The following SEMA3A variants were observed in gnomAD, a reference collection of about 807,000 sequenced individuals.
The protein encoded by SEMA3A is semaphorin 3A.
Under a neutral mutation model 97.9 loss-of-function variants are expected in SEMA3A, and 29 were observed. The observed-to-expected ratio is 0.30, with a 90% CI of 0.22 to 0.40. SEMA3A has a LOEUF of 0.40. Among genes scored for constraint, SEMA3A ranks in the 10% least tolerant of loss-of-function variants. SEMA3A has a pLI of 1.00. For missense variants in SEMA3A, 763 were observed against 951.3 expected, an observed-to-expected ratio of 0.80 and a Z score of 2.60; for synonymous variants, 321 against 323.7, an observed-to-expected ratio of 0.99 and a Z score of 0.09.
intron 3 of SEMA3A, among the ~76,000 whole-genome samples, chr7:84,253,832 T>C (rs1230120543): frequency 6.6e-6 from 1 of 152,204 alleles, no homozygotes; most frequent in Non-Finnish European, 1.5e-5. Flanking sequence ...TCATCATGAA[T>C]GTGTACCATT....
intron 13 of SEMA3A, among the ~76,000 whole-genome samples, 198 bp downstream of exon 13, chr7:83,985,238 T>C (rs1348870168): frequency 6.6e-6 from 1 of 152,064 alleles, no homozygotes; most frequent in Admixed American, 6.6e-5. Flanking sequence ...ACAGATGAGA[T>C]TGATCAAAAA....
intron 1 of SEMA3A, among the ~76,000 whole-genome samples, chr7:84,178,560 ATCTC>A (rs558180707): frequency 2.7e-4 from 41 of 152,262 alleles, no homozygotes; most frequent in Middle Eastern, 3.4e-3. Context: ...TTGAGCTCAA[ATCTC>A]TCTGATTCCT....
chr7:84,139,537 A>AC (rs1377830264), intron 1 of SEMA3A, among the ~76,000 whole-genome samples: 1 of 152,104 alleles, frequency 6.6e-6, no homozygotes, highest in Non-Finnish European at 1.5e-5. Flanking sequence ...AAACATACTG[A>AC]CTGTAAAACC....
At chr7:84,247,476 A>G (rs1257111234) in intron 3 of SEMA3A, among the ~76,000 whole-genome samples, 1 of 152,202 alleles carries the variant, frequency 6.6e-6, no homozygotes, top group Admixed American at 6.5e-5. Flanking sequence ...GGTATGGATA[A>G]CATATGTAAT....
intron 4 of SEMA3A, among the ~76,000 whole-genome samples, chr7:84,069,542 T>C (rs565664805): frequency 1.2e-4 from 19 of 152,138 alleles, no homozygotes; most frequent in African/African-American, 4.6e-4. Flanking sequence ...TGTAAATATT[T>C]TGACCTTTCA....
chr7:84,194,794 A>AAC, upstream of SEMA3A: 7 of 361,376 alleles, frequency 1.9e-5, no homozygotes, highest in Admixed American at 4.7e-5. Flanking sequence ...ACCCTCCAAA[A>AAC]AGAAAAAAAA....
At chr7:84,247,395 A>G (rs975982714) in intron 3 of SEMA3A, among the ~76,000 whole-genome samples, 19 of 152,192 alleles carry the variant, frequency 1.2e-4, no homozygotes, top group Admixed American at 9.8e-4. Context: ...TTTTAGAAAA[A>G]TTGAAAAAAT....
intron 2 of SEMA3A, among the ~76,000 whole-genome samples, chr7:84,326,823 A>C (rs1440554103): frequency 1.3e-5 from 2 of 152,032 alleles, no homozygotes; most frequent in Non-Finnish European, 2.9e-5. Context: ...AATTAACTCG[A>C]GATTGATTAA....
chr7:84,260,773 A>G (rs73709798), intron 3 of SEMA3A, among the ~76,000 whole-genome samples: 2,663 of 152,260 alleles, frequency 0.017, 80 homozygotes, highest in African/African-American at 0.061. Flanking sequence ...GGCAACCCTC[A>G]GCATGAACAG....
intron 4 of SEMA3A, among the ~76,000 whole-genome samples, chr7:84,095,358 C>CATATAGATATATATATAT (rs1794740282): frequency 8.1e-6 from 1 of 122,904 alleles, no homozygotes; most frequent in Non-Finnish European, 1.6e-5. Flanking sequence ...TTTTTATATA[C>CATATAGATATATATATAT]ATATATATAT....
rs868090688 is a variant in SEMA3A at position 83,996,734 on chromosome 7, T to C, written c.1452+5221A>G. Among the ~76,000 whole-genome samples the C allele has an allele frequency of 4.7e-4, 72 of 152,334 alleles. 1 individual carries two copies. Among genetic ancestry groups the C allele is most frequent in the African/African-American group, 1.3e-3 (56 of 41,576 alleles). On this transcript the variant is annotated intron_variant, in intron 12 of 16. Transcript: ENST00000265362. ...GTTGAGAATCACATAATAAATACAA[T>C]TGAAGTTCAGGTTTATGATTGCAAA...
chr7:84,335,369 CCT>C (rs1802010641), intron 2 of SEMA3A, among the ~76,000 whole-genome samples: 1 of 151,768 alleles, frequency 6.6e-6, no homozygotes. Flanking sequence ...AGGGTTATTC[CCT>C]GATAAAAAAT....
chr7:84,344,090 A>G (rs1562911582), intron 2 of SEMA3A, among the ~76,000 whole-genome samples: 3 of 152,218 alleles, frequency 2.0e-5, no homozygotes, highest in Non-Finnish European at 4.4e-5. Flanking sequence ...CAAAAAATAC[A>G]TTAATACTTA....
chr7:84,484,598 C>T (rs1806529349), intron 1 of SEMA3A, among the ~76,000 whole-genome samples: 1 of 151,906 alleles, frequency 6.6e-6, no homozygotes, highest in Non-Finnish European at 1.5e-5. Context: ...CACATTGTAA[C>T]ACTGAAATTA....
chr7:84,050,311 T>A (rs530932168), intron 5 of SEMA3A, among the ~76,000 whole-genome samples: 1 of 152,300 alleles, frequency 6.6e-6, no homozygotes, highest in East Asian at 1.9e-4. Flanking sequence ...TTGAACTAGT[T>A]TACAGTCCCA....
rs186046246 is a variant in SEMA3A at position 84,024,456 on chromosome 7, G to A, written c.668-10105C>T. On this transcript the variant is annotated intron_variant, in intron 6 of 16. Coordinates refer to ENST00000265362, the MANE Select transcript of SEMA3A (RefSeq NM_006080.3). ...AGCTATTCGGGAGGCTGAGGCACGAGAATTGCTTGAACCCAGGAGGCGGAG... is the reference window on the plus strand; with the variant it reads ...AGCTATTCGGGAGGCTGAGGCACGAAAATTGCTTGAACCCAGGAGGCGGAG... 3.0e-4 allele frequency among the ~76,000 whole-genome samples: 45 copies of A among 152,236 alleles called. 1 individual carries two copies. The highest frequency in any genetic ancestry group is 6.8e-3 in the Middle Eastern group (2 of 294).
chr7:84,203,535 T>A (rs1165275507), intron 3 of SEMA3A, among the ~76,000 whole-genome samples: 1 of 121,818 alleles, frequency 8.2e-6, no homozygotes, highest in African/African-American at 3.1e-5. Flanking sequence ...TATTTTTTTT[T>A]TTTTTTTTTT....
chr7:84,099,904 A>C (rs1482566814), intron 4 of SEMA3A, among the ~76,000 whole-genome samples: 1 of 152,154 alleles, frequency 6.6e-6, no homozygotes, highest in African/African-American at 2.4e-5. Context: ...ATATGTTTCA[A>C]AGTGAATCAT....
chr7:84,055,526 G>A (rs192238194), intron 5 of SEMA3A, among the ~76,000 whole-genome samples: 260 of 152,116 alleles, frequency 1.7e-3, no homozygotes, highest in African/African-American at 5.6e-3. Flanking sequence ...GACCCCTTGC[G>A]CTTCCCGAGT....
Sources: gnomAD v4.1 joint callset for allele counts (sites outside exome capture counted in the v4.1 genomes callset) on GRCh38, gnomAD v4.1.1 for gene constraint, MANE v1.5 for transcripts, NCBI Gene and HGNC (gene_info 2026-07-23, HGNC 2026-07-21) for gene names.